The following CNKSR2 variants were observed in gnomAD, a reference collection of about 807,000 sequenced individuals.
CNKSR2 encodes the protein CNK homolog protein 2.
CNKSR2 carries 14 observed loss-of-function variants against 84.4 expected under a neutral mutation model. The ratio of observed to expected loss-of-function variants is 0.17; its 90% CI spans 0.11 to 0.26. The LOEUF (loss-of-function observed/expected upper bound fraction) is 0.26, where lower values mean the gene tolerates loss of function less well. Among genes scored for constraint, CNKSR2 ranks in the 10% least tolerant of loss-of-function variants. The pLI is 1.00. For missense variants in CNKSR2, 485 were observed against 771.2 expected, an observed-to-expected ratio of 0.63 and a Z score of 4.40; for synonymous variants, 275 against 277.9, an observed-to-expected ratio of 0.99 and a Z score of 0.10.
chrX:21,583,585 A>G (rs763855061), intron 13 of CNKSR2, among the ~76,000 whole-genome samples: 1 of 111,952 alleles, frequency 8.9e-6, no homozygotes, highest in African/African-American at 3.2e-5. Flanking sequence ...CACTGAAGAA[A>G]TCTTGGAACT....
intron 17 of CNKSR2, among the ~76,000 whole-genome samples, chrX:21,599,339 GGTGTGTGTGTGTGTGTGTGTGT>G (rs34829122): frequency 2.4e-5 from 2 of 82,708 alleles, no homozygotes; most frequent in Non-Finnish European, 4.6e-5. Flanking sequence ...TTTTTGTTTT[GGTGTGTGTGTGTGTGTGTGTGT>G]GTGTGTGTGT....
chrX:21,443,647 A>G (rs2090814894), intron 4 of CNKSR2, among the ~76,000 whole-genome samples: 2 of 111,793 alleles, frequency 1.8e-5, no homozygotes, highest in South Asian at 7.3e-4. Context: ...TATTTACAAT[A>G]ATCCAATCCT....
At position 21,440,704 on chromosome X, in the gene CNKSR2, G is replaced by T; in HGVS notation, c.442G>T (p.Ala148Ser). Reference sequence around the variant, plus strand: ...CTTTTCCCTTTATAGGTCACCATTTGCTGCTGTGACAGACTATTCAGTTAC... The same window carrying T: ...CTTTTCCCTTTATAGGTCACCATTTTCTGCTGTGACAGACTATTCAGTTAC... ...LLAWLDRSPFAAVTDYSVTRN... is the reference protein window; with the variant it reads ...LLAWLDRSPFSAVTDYSVTRN... The change falls in exon 4 of 22, where the codon GCT becomes TCT. Residue 148 changes from alanine (A) to serine (S), a missense_variant. By Grantham distance (99) the Ala-to-Ser change is moderately conservative. Coordinates refer to ENST00000379510, the MANE Select transcript of CNKSR2 (RefSeq NM_014927.5). The T allele has an allele frequency of 1.7e-6, 2 of 1,180,793 alleles. No individual in the cohort carries two copies. The highest frequency in any genetic ancestry group is 3.7e-5 in the South Asian group (2 of 53,471).
chrX:21,553,540 A>G (rs2092112450), intron 11 of CNKSR2, among the ~76,000 whole-genome samples: 1 of 110,482 alleles, frequency 9.1e-6, no homozygotes, highest in Non-Finnish European at 1.9e-5. Flanking sequence ...ATTACAAAAA[A>G]AAAAAAACTT....
intron 20 of CNKSR2, among the ~76,000 whole-genome samples, chrX:21,639,216 C>A (rs1405853833): frequency 9.0e-6 from 1 of 110,809 alleles, no homozygotes; most frequent in African/African-American, 3.3e-5. Flanking sequence ...CAGAATGGGA[C>A]TTGTAAAAAG....
chrX:21,554,570 G>T (rs1371890366), intron 11 of CNKSR2, among the ~76,000 whole-genome samples: 1 of 111,504 alleles, frequency 9.0e-6, no homozygotes, highest in Non-Finnish European at 1.9e-5. Context: ...ACTTGTAAGT[G>T]AGAACATGCA....
At chrX:21,398,609 A>G (rs1408261258) in intron 1 of CNKSR2, among the ~76,000 whole-genome samples, 2 of 112,099 alleles carry the variant, frequency 1.8e-5, no homozygotes, top group African/African-American at 3.2e-5. Context: ...TCACCTCAGG[A>G]CAGCACTGAG....
chrX:21,495,822 A>AAAAC (rs1231075186), intron 6 of CNKSR2: 1 of 75,884 alleles, frequency 1.3e-5, no homozygotes, highest in African/African-American at 4.9e-5. Context: ...AAAAAAAAAA[A>AAAAC]CACGAAAAAT....
intron 11 of CNKSR2, among the ~76,000 whole-genome samples, chrX:21,534,530 G>A (rs927801843): frequency 5.5e-5 from 6 of 109,379 alleles, no homozygotes; most frequent in Admixed American, 1.9e-4. Flanking sequence ...CTATAATGAC[G>A]GTACCAATTT....
chrX:21,546,900 G>C (rs1473203371), intron 11 of CNKSR2, among the ~76,000 whole-genome samples: 1 of 111,716 alleles, frequency 9.0e-6, no homozygotes, highest in Non-Finnish European at 1.9e-5. Context: ...GTCACTACCA[G>C]GCCTGCCTTA....
At chrX:21,421,105 G>C (rs1474071261) in intron 1 of CNKSR2, among the ~76,000 whole-genome samples, 1 of 110,965 alleles carries the variant, frequency 9.0e-6, no homozygotes, top group East Asian at 2.9e-4. Flanking sequence ...TGGTTTAAAT[G>C]CTCCCTCTGT....
chrX:21,499,431 C>A (rs975358276), intron 7 of CNKSR2, among the ~76,000 whole-genome samples: 3 of 110,897 alleles, frequency 2.7e-5, no homozygotes, highest in African/African-American at 6.5e-5. Flanking sequence ...GAGAAAGAAT[C>A]ACAGAAATGG....
At position 21,652,511 on chromosome X, in the gene CNKSR2, C is replaced by T. The variant is rs2092723475; in HGVS notation, c.3095C>T (p.Thr1032Met). The change falls in exon 22 of 22, where the codon ACG becomes ATG. Residue 1032 changes from threonine to methionine, a missense_variant. By Grantham distance (81) the Thr-to-Met change is moderately conservative. Around this residue, in one of 5 missense-constraint regions of CNKSR2, gnomAD observed 210 missense variants for 291.5 expected, o/e 0.72. Coordinates refer to ENST00000379510, the MANE Select transcript of CNKSR2 (RefSeq NM_014927.5). The part of the protein sequence containing the change: ...SLAHTHSYIE[T>M]HV ...GCACACACTCATTCATACATTGAAACGCATGTCTAAATGTATTCTGCCTTC... is the reference window on the plus strand; with the variant it reads ...GCACACACTCATTCATACATTGAAATGCATGTCTAAATGTATTCTGCCTTC... 1.7e-6 allele frequency: 2 copies of T among 1,197,469 alleles called. No homozygotes were observed. Among genetic ancestry groups the T allele is most frequent in the Non-Finnish European group, 2.3e-6 (2 of 882,591 alleles).
intron 13 of CNKSR2, among the ~76,000 whole-genome samples, chrX:21,570,943 G>C (rs1442287048): frequency 1.8e-5 from 2 of 112,377 alleles, no homozygotes; most frequent in African/African-American, 3.2e-5. Flanking sequence ...TTAGGGCCTT[G>C]CCCTGGATTA....
chrX:21,623,376 T>C (rs1314374126), intron 20 of CNKSR2, among the ~76,000 whole-genome samples: 1 of 111,941 alleles, frequency 8.9e-6, no homozygotes, highest in Non-Finnish European at 1.9e-5. Context: ...AGTATTTGTT[T>C]ATTAGATTAT....
At chrX:21,584,391 T>C (rs1009971793) in intron 13 of CNKSR2, among the ~76,000 whole-genome samples, 20 of 112,564 alleles carry the variant, frequency 1.8e-4, no homozygotes, top group African/African-American at 6.1e-4. Context: ...AGTCTTACTC[T>C]AGGCAGAGGA....
At chrX:21,501,427 A>G (rs961088403) in intron 7 of CNKSR2, 93 bp from the exon 8 acceptor site, 2 of 446,188 alleles carry the variant, frequency 4.5e-6, no homozygotes, top group Non-Finnish European at 7.3e-6. Flanking sequence ...TTTAAATCTA[A>G]TTTATGGAGA....
At chrX:21,576,063 A>G (rs935964302) in intron 13 of CNKSR2, among the ~76,000 whole-genome samples, 2 of 112,327 alleles carry the variant, frequency 1.8e-5, no homozygotes, top group Non-Finnish European at 3.8e-5. Context: ...AGGGTACAGA[A>G]GTACTGAATG....
At chrX:21,620,967 A>G (rs1602044124) in intron 20 of CNKSR2, among the ~76,000 whole-genome samples, 1 of 111,895 alleles carries the variant, frequency 8.9e-6, no homozygotes, top group East Asian at 2.8e-4. Context: ...GTTTCTTCCA[A>G]TTCTAAAGTT....
Sources: allele counts gnomAD v4.1 joint callset (sites outside exome capture counted in the v4.1 genomes callset), GRCh38; gene constraint gnomAD v4.1.1; regional missense constraint gnomAD v4.1.1; transcripts MANE v1.5; gene names NCBI Gene and HGNC (gene_info 2026-07-23, HGNC 2026-07-21).